The following BRD9 variants were observed in gnomAD, a reference collection of about 807,000 sequenced individuals.
BRD9 encodes the protein bromodomain containing 9.
In BRD9, 47 loss-of-function variants were observed where a neutral mutation model predicts 68.7. The ratio of observed to expected loss-of-function variants is 0.68; its 90% CI spans 0.54 to 0.87. BRD9 has a LOEUF of 0.87. Ranked by LOEUF, BRD9 falls within the 40% of genes least tolerant of loss-of-function variation. The pLI is 0.00. For synonymous variants in BRD9, 313 were observed against 293.9 expected (o/e 1.06, Z -0.67); for missense variants, 670 against 748.4 (o/e 0.90, Z 1.22).
At position 892,483 on chromosome 5, in the gene BRD9, C is replaced by G. The variant is rs1753602209; in HGVS notation, c.52+123G>C. 5 of 1,455,286 alleles carry G rather than the reference C, an allele frequency of 3.4e-6. No individual in the cohort carries two copies. In the African/African-American group the frequency reaches 7.3e-5, roughly 21 times the overall value. The allele number at this position is 1,455,286 out of a possible 1,614,324, so 90.1% of individuals were successfully genotyped here. Reference sequence around the variant, plus strand: ...ATCCCAGGACCCCCTCCCGCGTGCCCAGAACCCCTCCCTCGTGGCCAGGAC... The same window carrying G: ...ATCCCAGGACCCCCTCCCGCGTGCCGAGAACCCCTCCCTCGTGGCCAGGAC... On this transcript the variant is annotated intron_variant, in intron 1 of 15. Transcript: ENST00000467963.
rs751331882 is a variant in BRD9, at chr5:886,610, G to C, written c.815C>G (p.Pro272Arg). ...CCTTTACCTGATAACTTCTCTACTC[G>C]GCTTTTTGGATTTCTTGGCAGTTTC... ...QVETAKKSKK[P>R]SREVISCMFE... The change falls in exon 7 of 16, where the codon CCG (proline) becomes CGG (arginine). Residue 272 changes from proline to arginine, a missense_variant. Coordinates refer to ENST00000467963, the MANE Select transcript of BRD9 (RefSeq NM_023924.5). 8 of 1,613,794 alleles carry C rather than the reference G, an allele frequency of 5.0e-6. No homozygotes were observed. The highest frequency in any genetic ancestry group is 6.8e-6 in the Non-Finnish European group (8 of 1,179,938).
intron 1 of BRD9, 104 bp downstream of exon 1, chr5:892,502 C>T: frequency 6.8e-7 from 1 of 1,479,958 alleles, no homozygotes; most frequent in Admixed American, 2.3e-5. Flanking sequence ...TCCCTCGTGG[C>T]CAGGACCTCG....
intron 9 of BRD9, among the ~76,000 whole-genome samples, chr5:880,464 A>G (rs1317983825): frequency 6.6e-6 from 1 of 151,780 alleles, no homozygotes; most frequent in Non-Finnish European, 1.5e-5. Flanking sequence ...CCACGCTGGC[A>G]TGGTGGAGCT....
chr5:867,943 CAG>C (rs1189563367), intron 14 of BRD9, among the ~76,000 whole-genome samples: 1 of 152,170 alleles, frequency 6.6e-6, no homozygotes, highest in East Asian at 1.9e-4. Context: ...CGAGAGGAGT[CAG>C]GGGCAGAATG....
Position 870,554 on chromosome 5 carries a change from T to C in BRD9, c.1444A>G (p.Ser482Gly). Residue 482 changes from serine (S) to glycine (G), a missense_variant, in exon 14 of 16, where the codon AGC becomes GGC. By Grantham distance (56) the Ser-to-Gly change is moderately conservative. Transcript: ENST00000467963. ...ATGAACTCCAGAACAGAGCTGCTGC[T>C]GTCTCCTAGGGTGTCCCCAACCTGT... ...EAKVGDTLGDSSSSVLEFMSM... is the reference protein window; with the variant it reads ...EAKVGDTLGDGSSSVLEFMSM... 1.2e-6 allele frequency: 2 copies of C among 1,614,120 alleles called. No individual in the cohort carries two copies. The highest frequency in any genetic ancestry group is 1.7e-6 in the Non-Finnish European group (2 of 1,180,006).
In BRD9 at chr5:891,657, C is replaced by T. The variant is rs1753425454; in HGVS notation, c.250G>A (p.Glu84Lys). 1.3e-6 allele frequency: 2 copies of T among 1,551,486 alleles called. No homozygotes were observed. The highest frequency in any genetic ancestry group is 1.7e-6 in the Non-Finnish European group (2 of 1,147,024). The change falls in exon 2 of 16, where the codon GAA becomes AAA. Residue 84 changes from glutamate (E) to lysine (K), a missense_variant. By Grantham distance (56) the Glu-to-Lys change is moderately conservative. Transcript: ENST00000467963. ...SEKEKHLDDE[E>K]RRKRKEEKKR... ...TCCTTTACCTTTCGCTTCCTTCTTT[C>T]CTCATCGTCCAGATGCTTCTCCTTC...
intron 14 of BRD9, 112 bp from the exon 15 acceptor site, chr5:865,693 G>A: frequency 8.1e-7 from 1 of 1,231,220 alleles, no homozygotes; most frequent in Non-Finnish European, 1.1e-6. Flanking sequence ...GACAATAATT[G>A]CTCTGGAAAC....
At chr5:873,881 A>G (rs1750513335) in intron 12 of BRD9, among the ~76,000 whole-genome samples, 2 of 152,166 alleles carry the variant, frequency 1.3e-5, no homozygotes, top group Admixed American at 6.5e-5. Flanking sequence ...AGCAGAGACC[A>G]CGCTGAAAAG....
At position 870,574 on chromosome 5, in the gene BRD9, A is replaced by G. The variant is rs953262458; in HGVS notation, c.1424T>C (p.Val475Ala). The change falls in exon 14 of 16, where the codon GTT becomes GCT. Residue 475 changes from valine to alanine, a missense_variant and splice_region_variant. Transcript: ENST00000467963. ...GCTGCTGTCTCCTAGGGTGTCCCCA[A>G]CCTGTGGAGACAGACACACATCAAG... ...VPMKPPDEAK[V>A]GDTLGDSSSS... 5 of 1,608,786 alleles carry G rather than the reference A, an allele frequency of 3.1e-6. No individual in the cohort carries two copies. Among genetic ancestry groups the G allele is most frequent in the Non-Finnish European group, 4.3e-6 (5 of 1,175,640 alleles).
chr5:892,090 A>C (rs1753512709), intron 1 of BRD9: 2 of 604,428 alleles, frequency 3.3e-6, no homozygotes, highest in Non-Finnish European at 5.7e-6. Context: ...TCCTCACCAG[A>C]GGCCCTGTGG....
At chr5:887,743 C>T (rs1214491591) in intron 5 of BRD9, among the ~76,000 whole-genome samples, 4 of 152,188 alleles carry the variant, frequency 2.6e-5, no homozygotes, top group African/African-American at 7.2e-5. Flanking sequence ...GAGGAAAAAG[C>T]GTTTCCTGCG....
intron 6 of BRD9, chr5:886,932 G>A: frequency 1.5e-6 from 1 of 687,762 alleles, no homozygotes; most frequent in Non-Finnish European, 2.4e-6. Flanking sequence ...CCCACCGCCA[G>A]AGCGCGGCAG....
chr5:883,745 T>C, intron 8 of BRD9, 193 bp downstream of exon 8: 1 of 751,012 alleles, frequency 1.3e-6, no homozygotes. Flanking sequence ...GCGGCAGCCC[T>C]GCCAGAGGCA....
rs535709622 is a variant in BRD9 at position 869,941 on chromosome 5, C to T, written c.1525+532G>A. On this transcript the variant is annotated intron_variant, in intron 14 of 15. Coordinates refer to ENST00000467963, the MANE Select transcript of BRD9 (RefSeq NM_023924.5). ...GGGACTGTGTCACAGCCACGGTCTT[C>T]GTATTTCACTCAGAAGAAACCTCTC... Among the ~76,000 whole-genome samples, 44 of 152,364 alleles carry T rather than the reference C, an allele frequency of 2.9e-4. No individual in the cohort carries two copies. The South Asian group carries it at 8.7e-3, about 30-fold the overall frequency.
rs766682579 is a variant in BRD9, at chr5:864,318, CATG to C, written c.*147_*149del. 2.7e-3 allele frequency: 1,634 copies of C among 606,128 alleles called. 9 individuals are homozygous for C. The highest frequency in any genetic ancestry group is 3.1e-3 in the Non-Finnish European group (1,099 of 359,158). 37.5% of individuals were successfully genotyped at this position (606,128 alleles called of 1,614,324 possible). ...TCGTGGGGCTTGGAGACTCTGCTGA[CATG>C]ATACCACAGACAATTCATTACCTCC... On this transcript the variant is annotated 3_prime_UTR_variant, in exon 16 of 16. Coordinates refer to ENST00000467963, the MANE Select transcript of BRD9 (RefSeq NM_023924.5).
At chr5:886,567 A>C in intron 7 of BRD9, 25 bp downstream of exon 7, 3 of 1,602,080 alleles carry the variant, frequency 1.9e-6, no homozygotes, top group Non-Finnish European at 2.6e-6. Flanking sequence ...TCCAAAAGCA[A>C]ATGTGGTTTC....
intron 1 of BRD9, chr5:892,129 G>A (rs867285795): frequency 4.0e-6 from 2 of 505,636 alleles, no homozygotes; most frequent in Middle Eastern, 5.4e-4. Flanking sequence ...CGTTCAAGAA[G>A]ATGGATTAAG....
intron 8 of BRD9, 41 bp from the exon 9 acceptor site, chr5:881,223 G>T (rs561978228): frequency 6.3e-7 from 1 of 1,582,866 alleles, no homozygotes; most frequent in East Asian, 2.2e-5. Flanking sequence ...CCTCAGGAGG[G>T]GCAGCGCAGC....
intron 14 of BRD9, chr5:868,618 G>C (rs1156504306): frequency 6.6e-6 from 1 of 152,252 alleles, no homozygotes; most frequent in Non-Finnish European, 1.5e-5. Flanking sequence ...TGGCAAGGGG[G>C]TGCCCTGTGA....
Sources: gnomAD v4.1 joint callset for allele counts (sites outside exome capture counted in the v4.1 genomes callset) on GRCh38, gnomAD v4.1.1 for gene constraint, MANE v1.5 for transcripts, NCBI Gene and HGNC (gene_info 2026-07-23, HGNC 2026-07-21) for gene names.